GRM1: variants seen among roughly 807,000 people sequenced by gnomAD.
GRM1 encodes glutamate metabotropic receptor 1, also known as metabotropic glutamate receptor 1.
In GRM1, 33 loss-of-function variants were observed where a neutral mutation model predicts 90.9. The ratio of observed to expected loss-of-function variants is 0.36; its 90% confidence interval spans 0.28 to 0.49. GRM1 has a LOEUF of 0.49. Among genes scored for constraint, GRM1 ranks in the 20% least tolerant of loss-of-function variants. GRM1 has a pLI of 0.99. For synonymous variants in GRM1, 700 were observed against 613.2 expected (o/e 1.14, Z -2.09); for missense variants, 1,190 against 1,534.3 (o/e 0.78, Z 3.75).
chr6:146,154,428 G>A (rs1001792142), intron 1 of GRM1, among the ~76,000 whole-genome samples: 1 of 152,140 alleles, frequency 6.6e-6, no homozygotes. Flanking sequence ...CTTGTAATCA[G>A]TCAATGCCTG....
At chr6:146,159,641 T>TCTCTCTCTCTCTCACACA (rs372590505) in intron 2 of GRM1, 44 bp downstream of exon 2, 19 of 728,672 alleles carry the variant, frequency 2.6e-5, no homozygotes, top group Admixed American at 7.9e-5. Context: ...TCTCTCTCTC[T>TCTCTCTCTCTCTCACACA]CACACACACA....
At chr6:146,378,593 C>G (rs1776199783) in intron 5 of GRM1, among the ~76,000 whole-genome samples, 1 of 152,158 alleles carries the variant, frequency 6.6e-6, no homozygotes, top group Non-Finnish European at 1.5e-5. Context: ...GGTTATTTAC[C>G]CAATTCCTGT....
In GRM1 at chr6:146,182,103, T is replaced by C. The variant is rs74920316; in HGVS notation, c.950+22506T>C. ...GAAAGTAAAGGAAATGGATTGGACA[T>C]AACATGAAAATTATTGGCCTATTTT... is the stretch of plus-strand genomic sequence containing the variant. On this transcript the variant is annotated intron_variant, in intron 2 of 7. Transcript: ENST00000282753. Among the ~76,000 whole-genome samples, 25 of 152,276 alleles carry C rather than the reference T, an allele frequency of 1.6e-4. No individual in the cohort carries two copies. The East Asian group carries it at 4.8e-3, about 29-fold the overall frequency.
chr6:146,186,624 A>T (rs1046884395), intron 2 of GRM1, among the ~76,000 whole-genome samples: 2 of 152,198 alleles, frequency 1.3e-5, no homozygotes, highest in Admixed American at 6.5e-5. Flanking sequence ...CCTACTGCTT[A>T]ACTGATAACA....
At chr6:146,412,189 A>C (rs1777594612) in intron 7 of GRM1, among the ~76,000 whole-genome samples, 1 of 152,210 alleles carries the variant, frequency 6.6e-6, no homozygotes, top group Admixed American at 6.5e-5. Flanking sequence ...TGCAAATGAA[A>C]GTGGAATGAA....
At chr6:146,142,484 G>C (rs574139998) in intron 1 of GRM1, among the ~76,000 whole-genome samples, 2 of 152,208 alleles carry the variant, frequency 1.3e-5, no homozygotes, top group South Asian at 4.1e-4. Context: ...CCTTCAGGGT[G>C]ATGAGTTCCC....
At chr6:146,350,116 T>C (rs920252126) in intron 3 of GRM1, among the ~76,000 whole-genome samples, 3 of 152,216 alleles carry the variant, frequency 2.0e-5, no homozygotes, top group Admixed American at 6.5e-5. Flanking sequence ...CTCACAGATA[T>C]CCAAGAACAG....
intron 3 of GRM1, among the ~76,000 whole-genome samples, chr6:146,351,386 A>G (rs1785406531): frequency 6.6e-6 from 1 of 152,024 alleles, no homozygotes; most frequent in African/African-American, 2.4e-5. Context: ...TTCCAAATAT[A>G]TTTTTTGTTT....
intron 1 of GRM1, among the ~76,000 whole-genome samples, chr6:146,100,527 T>G (rs761390930): frequency 5.9e-5 from 9 of 152,146 alleles, no homozygotes; most frequent in Non-Finnish European, 8.8e-5. Context: ...TGCTCTGGAG[T>G]GCTAATTTAT....
Position 146,267,700 on chromosome 6 carries a change from C to G in GRM1, c.951-36911C>G, listed in dbSNP as rs11155462. ...GGGCTGGGCTCGGCTCGGCTCGGCT[C>G]GGCTCGTCTCGTCTCGTCTCGTCTC... is the stretch of plus-strand genomic sequence containing the variant. On this transcript the variant is annotated intron_variant, in intron 2 of 7. Transcript: ENST00000282753. Among the ~76,000 whole-genome samples, 836 of 93,092 alleles carry G rather than the reference C, an allele frequency of 9.0e-3. 51 individuals are homozygous for G. Among genetic ancestry groups the G allele is most frequent in the Admixed American group, 0.05 (515 of 10,232 alleles). 61.1% of individuals were successfully genotyped at this position (93,092 alleles called of 152,430 possible). A position where few individuals can be genotyped will look rare whatever the true frequency, so the allele number is the denominator to read the frequency against.
chr6:146,331,121 G>A (rs917593612), intron 3 of GRM1, among the ~76,000 whole-genome samples: 3 of 152,182 alleles, frequency 2.0e-5, no homozygotes, highest in African/African-American at 7.2e-5. Flanking sequence ...TGTATCATCA[G>A]GGAAGGAGTC....
In GRM1 at chr6:146,134,020, A is replaced by G. The variant is rs141959103; in HGVS notation, c.701-25328A>G. Among the ~76,000 whole-genome samples, 218 of 152,364 alleles carry G rather than the reference A, an allele frequency of 1.4e-3. 4 individuals are homozygous for G. In the East Asian group the frequency reaches 0.041, roughly 29 times the overall value. Reference sequence around the variant, plus strand: ...GCAGATAAGATGCCCAGTGACATTTACTGGCTTGTATTCTTGGCACTTCAT... The same window carrying G: ...GCAGATAAGATGCCCAGTGACATTTGCTGGCTTGTATTCTTGGCACTTCAT... On this transcript the variant is annotated intron_variant, in intron 1 of 7. Coordinates refer to ENST00000282753, the MANE Select transcript of GRM1 (RefSeq NM_001278064.2).
chr6:146,380,098 C>G (rs562475847), intron 5 of GRM1, among the ~76,000 whole-genome samples: 143 of 152,076 alleles, frequency 9.4e-4, no homozygotes, highest in Non-Finnish European at 1.7e-3. Context: ...TCAAGGCCTG[C>G]TGAAACCACT....
At position 146,057,318 on chromosome 6, in the gene GRM1, A is replaced by G. The variant is rs535678008; in HGVS notation, c.700+27101A>G. 2.6e-5 allele frequency among the ~76,000 whole-genome samples: 4 copies of G among 152,224 alleles called. No individual in the cohort carries two copies. The South Asian group carries it at 6.2e-4, about 24-fold the overall frequency. On this transcript the variant is annotated intron_variant, in intron 1 of 7. Coordinates refer to ENST00000282753, the MANE Select transcript of GRM1 (RefSeq NM_001278064.2). ...AATACGATAAATGCCTCTACACAAC[A>G]TCTTGTATCATAAATTGGGAACTAT...
At chr6:146,305,420 C>G (rs911032901) in intron 3 of GRM1, among the ~76,000 whole-genome samples, 5 of 152,154 alleles carry the variant, frequency 3.3e-5, no homozygotes, top group Non-Finnish European at 4.4e-5. Context: ...GTTCCAAGTT[C>G]TTCAGGGGTG....
chr6:146,267,689 TCGGCTCGG>T (rs1562568727), intron 2 of GRM1, among the ~76,000 whole-genome samples: 11 of 103,848 alleles, frequency 1.1e-4, no homozygotes, highest in African/African-American at 8.8e-4. Flanking sequence ...TGGGCTCGGC[TCGGCTCGG>T]CTCGGCTCGT....
chr6:146,257,338 A>G (rs1454276885), intron 2 of GRM1, among the ~76,000 whole-genome samples: 1 of 152,112 alleles, frequency 6.6e-6, no homozygotes, highest in Non-Finnish European at 1.5e-5. Flanking sequence ...AGCATTGAGT[A>G]TTTAGCAGGG....
At chr6:146,078,920 A>G (rs1329972603) in intron 1 of GRM1, among the ~76,000 whole-genome samples, 2 of 152,204 alleles carry the variant, frequency 1.3e-5, no homozygotes, top group African/African-American at 4.8e-5. Context: ...TGAGGCTCGC[A>G]GACACTTTGA....
chr6:146,324,961 A>G (rs1784352692), intron 3 of GRM1, among the ~76,000 whole-genome samples: 1 of 152,196 alleles, frequency 6.6e-6, no homozygotes, highest in African/African-American at 2.4e-5. Context: ...ATTTTTACCA[A>G]AGATGAAGAG....
Sources: allele counts gnomAD v4.1 joint callset (sites outside exome capture counted in the v4.1 genomes callset), GRCh38; gene constraint gnomAD v4.1.1; transcripts MANE v1.5; gene names NCBI Gene and HGNC (gene_info 2026-07-23, HGNC 2026-07-21).